STAG1: variants seen among roughly 807,000 people sequenced by gnomAD.
STAG1 encodes the protein STAG1 cohesin complex component, also known as cohesin subunit SA-1.
A neutral mutation model predicts 170.9 loss-of-function variants in STAG1; 26 were observed. The observed-to-expected ratio is 0.15, with a 90% CI of 0.11 to 0.21. The LOEUF (loss-of-function observed/expected upper bound fraction) is 0.21, where lower values mean the gene tolerates loss of function less well. Ranked by LOEUF, STAG1 falls within the 10% of genes least tolerant of loss-of-function variation. The pLI is 1.00. For synonymous variants in STAG1, 514 were observed against 497.7 expected, an observed-to-expected ratio of 1.03 and a Z score of -0.44; for missense variants, 964 against 1,509.5, an observed-to-expected ratio of 0.64 and a Z score of 5.99.
At chr3:136,642,065 T>G (rs1940821736) in intron 1 of STAG1, among the ~76,000 whole-genome samples, 1 of 152,096 alleles carries the variant, frequency 6.6e-6, no homozygotes, top group Admixed American at 6.5e-5. Context: ...TTCTTTACTC[T>G]TAGTAATACA....
chr3:136,366,925 A>C lies in STAG1; in HGVS notation c.2685+18T>G. 1 of 1,525,426 alleles carries C rather than the reference A, an allele frequency of 6.6e-7. No homozygotes were observed. The highest frequency in any genetic ancestry group is 8.9e-7 in the Non-Finnish European group (1 of 1,127,794). The allele number at this position is 1,525,426 out of a possible 1,614,324, so 94.5% of individuals were successfully genotyped here. A position where few individuals can be genotyped will look rare whatever the true frequency, so the allele number is the denominator to read the frequency against. ...TGCCAGTTAGAGGAAGGAGAAAAAT[A>C]AGAATATTTAACTATACCTTCATGT... On this transcript the variant is annotated intron_variant, in intron 25 of 33. Transcript: ENST00000383202.
At chr3:136,464,034 C>T (rs1022839990) in intron 13 of STAG1, among the ~76,000 whole-genome samples, 1 of 151,070 alleles carries the variant, frequency 6.6e-6, no homozygotes, top group Non-Finnish European at 1.5e-5. Context: ...CTCTCATTAA[C>T]GTTATGCTTT....
At chr3:136,641,723 G>C (rs925338006) in intron 1 of STAG1, among the ~76,000 whole-genome samples, 1 of 152,194 alleles carries the variant, frequency 6.6e-6, no homozygotes, top group African/African-American at 2.4e-5. Context: ...GCACCAGAAA[G>C]AGGACTTTAG....
At chr3:136,414,757 T>A (rs2087725701) in intron 21 of STAG1, among the ~76,000 whole-genome samples, 1 of 152,230 alleles carries the variant, frequency 6.6e-6, no homozygotes, top group South Asian at 2.1e-4. Flanking sequence ...TTTTCTTAAA[T>A]AATTAAGGCT....
intron 4 of STAG1, among the ~76,000 whole-genome samples, chr3:136,586,414 A>G (rs776211484): frequency 2.0e-5 from 3 of 152,232 alleles, no homozygotes; most frequent in Non-Finnish European, 4.4e-5. Flanking sequence ...AATATTATCT[A>G]AAACACCCAT....
At chr3:136,369,962 A>G (rs1025347964) in intron 23 of STAG1, among the ~76,000 whole-genome samples, 1 of 152,172 alleles carries the variant, frequency 6.6e-6, no homozygotes, top group African/African-American at 2.4e-5. Context: ...TTATGCTGCC[A>G]GTCGTATAAC....
At position 136,349,255 on chromosome 3, in the gene STAG1, A is replaced by G. The variant is rs1156519729; in HGVS notation, c.3174T>C (p.Asp1058=). The G allele has an allele frequency of 1.4e-5, 22 of 1,613,900 alleles. No homozygotes were observed. The highest frequency in any genetic ancestry group is 2.2e-5 in the East Asian group (1 of 44,870). The part of the protein sequence containing the change: ...YRNSLVTGGE[D]DRMSVNSGSS... ...TTCCACTGTTCACAGACATTCTATC[A>G]TCTTCACCCCCAGTGACTAATGAAT... The change falls in exon 29 of 34, where the codon GAT becomes GAC. Residue 1058 remains aspartate, a synonymous_variant. Coordinates refer to ENST00000383202, the MANE Select transcript of STAG1 (RefSeq NM_005862.3).
intron 22 of STAG1, among the ~76,000 whole-genome samples, chr3:136,395,460 T>C (rs1358432005): frequency 6.6e-6 from 1 of 151,880 alleles, no homozygotes; most frequent in Admixed American, 6.6e-5. Context: ...CAGTCTCTAC[T>C]AAAAATACAA....
At chr3:136,471,120 TAA>T (rs11361791) in intron 12 of STAG1, among the ~76,000 whole-genome samples, 110 of 146,520 alleles carry the variant, frequency 7.5e-4, no homozygotes, top group Admixed American at 9.5e-4. Context: ...GAAGTTAAAT[TAA>T]AAAAAAAAAA....
At chr3:136,465,833 A>C in intron 12 of STAG1, among the ~76,000 whole-genome samples, 1 of 152,244 alleles carries the variant, frequency 6.6e-6, no homozygotes, top group African/African-American at 2.4e-5. Context: ...CTACTAACTA[A>C]TGCATAACCT....
At chr3:136,722,302 G>C (rs985419101) in intron 1 of STAG1, among the ~76,000 whole-genome samples, 2 of 152,046 alleles carry the variant, frequency 1.3e-5, no homozygotes, top group African/African-American at 4.8e-5. Flanking sequence ...TTCCGTTTTT[G>C]TCCTAAAATT....
intron 12 of STAG1, among the ~76,000 whole-genome samples, chr3:136,467,067 C>T (rs1388309274): frequency 1.3e-5 from 2 of 152,172 alleles, no homozygotes; most frequent in Non-Finnish European, 2.9e-5. Flanking sequence ...TTGTAAAGAC[C>T]ATGGATGCTA....
At chr3:136,561,735 T>G (rs1178888366) in intron 5 of STAG1, among the ~76,000 whole-genome samples, 2 of 152,202 alleles carry the variant, frequency 1.3e-5, no homozygotes, top group Non-Finnish European at 2.9e-5. Flanking sequence ...AAATAAGAAT[T>G]GTGAGGCTGG....
chr3:136,611,168 A>G (rs1939255925), intron 3 of STAG1, among the ~76,000 whole-genome samples: 1 of 151,964 alleles, frequency 6.6e-6, no homozygotes, highest in Admixed American at 6.6e-5. Flanking sequence ...TTTTTCTTTT[A>G]GACACAGTTT....
At chr3:136,408,566 G>C (rs1399537378) in intron 21 of STAG1, among the ~76,000 whole-genome samples, 1 of 152,000 alleles carries the variant, frequency 6.6e-6, no homozygotes, top group African/African-American at 2.4e-5. Flanking sequence ...CTAAAGATAT[G>C]GTAGTGGGGC....
intron 2 of STAG1, among the ~76,000 whole-genome samples, chr3:136,625,423 A>G (rs1317839705): frequency 2.0e-5 from 3 of 152,222 alleles, no homozygotes; most frequent in Non-Finnish European, 4.4e-5. Flanking sequence ...TCTTGCATGC[A>G]TGACATACTT....
intron 4 of STAG1, among the ~76,000 whole-genome samples, chr3:136,601,486 A>T (rs1938673267): frequency 6.6e-6 from 1 of 152,182 alleles, no homozygotes; most frequent in Non-Finnish European, 1.5e-5. Context: ...CTGACTACTG[A>T]TCATTATCTT....
intron 1 of STAG1, among the ~76,000 whole-genome samples, chr3:136,718,635 A>C (rs1933013112): frequency 6.6e-6 from 1 of 152,190 alleles, no homozygotes; most frequent in Non-Finnish European, 1.5e-5. Context: ...ATTCAGATAA[A>C]TAGAGGTGGC....
chr3:136,652,649 T>C (rs1164495389), intron 1 of STAG1, among the ~76,000 whole-genome samples: 1 of 152,182 alleles, frequency 6.6e-6, no homozygotes, highest in African/African-American at 2.4e-5. Context: ...TACAAATTAT[T>C]AGACTCAAGT....
Sources: allele counts gnomAD v4.1 joint callset (sites outside exome capture counted in the v4.1 genomes callset), GRCh38; gene constraint gnomAD v4.1.1; transcripts MANE v1.5; gene names NCBI Gene and HGNC (gene_info 2026-07-23, HGNC 2026-07-21).